The following TEKT1 variants were observed in gnomAD, a reference collection of about 807,000 sequenced individuals.
TEKT1 encodes tektin 1.
TEKT1 carries 32 observed loss-of-function variants against 34.8 expected under a neutral mutation model. The ratio of observed to expected loss-of-function variants is 0.92; its 90% CI spans 0.69 to 1.23. The LOEUF is 1.23. TEKT1 is among the 50% of genes most tolerant of loss of function. TEKT1 has a pLI of 0.00. For missense variants in TEKT1, 492 were observed against 518.5 expected (o/e 0.95, Z 0.50); for synonymous variants, 207 against 199.8 (o/e 1.04, Z -0.30).
chr17:6,828,431 T>C (rs1454180221), intron 2 of TEKT1, among the ~76,000 whole-genome samples: 2 of 152,178 alleles, frequency 1.3e-5, no homozygotes, highest in Admixed American at 6.5e-5. Context: ...TCCATAAACG[T>C]GTTTGTTCAG....
chr17:6,815,338 T>C, intron 4 of TEKT1, 32 bp from the exon 5 acceptor site: 1 of 1,614,132 alleles, frequency 6.2e-7, no homozygotes, highest in Non-Finnish European at 8.5e-7. Flanking sequence ...GGTTTCTGCC[T>C]CTGGAGTGCC....
chr17:6,824,023 C>T (rs1002594951), intron 2 of TEKT1, among the ~76,000 whole-genome samples: 1 of 151,900 alleles, frequency 6.6e-6, no homozygotes. Context: ...GAGGTCTCAC[C>T]GTGTTAGCCA....
chr17:6,807,297 G>A (rs1327924209), intron 6 of TEKT1, among the ~76,000 whole-genome samples: 2 of 152,080 alleles, frequency 1.3e-5, no homozygotes, highest in African/African-American at 4.8e-5. Context: ...CGTAGTTCTC[G>A]TGCCTTGGTT....
Position 6,815,309 on chromosome 17 carries a change from G to A in TEKT1, c.486-3C>T, listed in dbSNP as rs1449888217. The A allele has an allele frequency of 6.2e-7, 1 of 1,614,100 alleles. No homozygotes were observed. Among genetic ancestry groups the A allele is most frequent in the Admixed American group, 1.7e-5 (1 of 60,012 alleles). ...TGTACTTGGCAGAGCGGTTCATCCT[G>A]AAGGGAGAAAGTAAACTGGGTTTCT... On this transcript the variant is annotated splice_region_variant and splice_polypyrimidine_tract_variant and intron_variant, in intron 4 of 7. Coordinates refer to ENST00000338694, the MANE Select transcript of TEKT1 (RefSeq NM_053285.2).
intron 2 of TEKT1, among the ~76,000 whole-genome samples, chr17:6,823,085 T>C (rs755863993): frequency 6.6e-6 from 1 of 152,228 alleles, no homozygotes; most frequent in Non-Finnish European, 1.5e-5. Flanking sequence ...AGAATTACTA[T>C]GTAGACATAG....
At position 6,799,930 on chromosome 17, in the gene TEKT1, GCTGGCTAGAGGCCCCGCCAGC is replaced by G. The variant is rs1016969245; in HGVS notation, c.*76_*96del. The G allele has an allele frequency of 2.3e-5, 28 of 1,244,400 alleles. No homozygotes were observed. Among genetic ancestry groups the G allele is most frequent in the Middle Eastern group, 5.8e-4 (2 of 3,442 alleles). The allele number at this position is 1,244,400 out of a possible 1,614,324, so 77.1% of individuals were successfully genotyped here. ...AATGCCAGCCAAGAGGTTGCAGCAGGCTGGCTAGAGGCCCCGCCAGCCTGAAATGAGAGCTCTGTACTACTG... is the reference window on the plus strand; with the variant it reads ...AATGCCAGCCAAGAGGTTGCAGCAGGCTGAAATGAGAGCTCTGTACTACTG... On this transcript the variant is annotated 3_prime_UTR_variant, in exon 8 of 8. Transcript: ENST00000338694.
In TEKT1 at chr17:6,815,935, C is replaced by T. The variant is rs1001139636; in HGVS notation, c.384G>A (p.Val128=). The change falls in exon 4 of 8, where the codon GTG becomes GTA. Residue 128 remains valine, a synonymous_variant. Coordinates refer to ENST00000338694, the MANE Select transcript of TEKT1 (RefSeq NM_053285.2). ...TCAGCTCATGCTCCACTGTGTCGTG[C>T]ACCAGGTCAATGCCAATGCGCTTCT... ...YREKRIGIDL[V]HDTVEHELIK... The T allele has an allele frequency of 3.1e-6, 5 of 1,614,016 alleles. No homozygotes were observed. Among genetic ancestry groups the T allele is most frequent in the Non-Finnish European group, 4.2e-6 (5 of 1,180,044 alleles).
In TEKT1 at chr17:6,811,182, A is replaced by G. The variant is rs575856210; in HGVS notation, c.852+1649T>C. 3.3e-5 allele frequency among the ~76,000 whole-genome samples: 5 copies of G among 152,042 alleles called. No homozygotes were observed. The East Asian group carries it at 9.7e-4, about 29-fold the overall frequency. On this transcript the variant is annotated intron_variant, in intron 6 of 7. Transcript: ENST00000338694. This position sits in a 1 kb window ranked among gnomAD's most constrained non-coding sequence, Gnocchi z 4.4. ...AGATCCATCTTTCAAGGCCTATACT[A>G]AGTTCTTATTCCACCAGGAAGTCTC...
intron 2 of TEKT1, among the ~76,000 whole-genome samples, chr17:6,819,812 C>T (rs1018898130): frequency 2.6e-5 from 4 of 152,132 alleles, no homozygotes; most frequent in African/African-American, 7.2e-5. Flanking sequence ...CTCAACCTCC[C>T]GAGTAGCTGT....
chr17:6,822,348 G>C (rs777102540), intron 2 of TEKT1, among the ~76,000 whole-genome samples: 16 of 152,068 alleles, frequency 1.1e-4, no homozygotes, highest in Non-Finnish European at 2.2e-4. Context: ...TGTTGCCAAG[G>C]CTGGTCTCAA....
At chr17:6,808,803 T>TA (rs1486685747) in intron 6 of TEKT1, among the ~76,000 whole-genome samples, 1 of 152,100 alleles carries the variant, frequency 6.6e-6, no homozygotes, top group African/African-American at 2.4e-5. Flanking sequence ...AAGAAATTTT[T>TA]AAAAAACAGG....
chr17:6,813,148 C>T, intron 5 of TEKT1, 95 bp from the exon 6 acceptor site: 1 of 1,016,210 alleles, frequency 9.8e-7, no homozygotes, highest in Non-Finnish European at 1.5e-6. Context: ...TCATAAGAAC[C>T]ACCTAGAATG....
At chr17:6,829,766 T>C (rs1031539961) in intron 2 of TEKT1, among the ~76,000 whole-genome samples, 5 of 149,962 alleles carry the variant, frequency 3.3e-5, no homozygotes, top group African/African-American at 1.3e-4. Context: ...TAATCTTTTA[T>C]TGTTTTTTTT....
chr17:6,806,547 AGTTTCTTCC>A (rs1976846914), intron 6 of TEKT1, among the ~76,000 whole-genome samples: 1 of 152,208 alleles, frequency 6.6e-6, no homozygotes. Context: ...GAGTTGATGC[AGTTTCTTCC>A]TAGCGTCGAT....
intron 4 of TEKT1, 82 bp from the exon 5 acceptor site, chr17:6,815,388 A>AAGCTGCACCAGACCT: frequency 1.3e-6 from 2 of 1,552,216 alleles, no homozygotes; most frequent in Non-Finnish European, 1.8e-6. Context: ...CTGGAAAGTG[A>AAGCTGCACCAGACCT]AGCTGCAGCT....
intron 4 of TEKT1, 106 bp from the exon 5 acceptor site, chr17:6,815,412 G>T: frequency 2.9e-6 from 4 of 1,361,424 alleles, no homozygotes; most frequent in Non-Finnish European, 4.2e-6. Flanking sequence ...TCTGGTGCAG[G>T]ATGATGGTAC....
chr17:6,824,100 G>A (rs9899699), intron 2 of TEKT1, among the ~76,000 whole-genome samples: 7,088 of 152,106 alleles, frequency 0.047, 528 homozygotes, highest in African/African-American at 0.16. Flanking sequence ...GGGATTACAG[G>A]CGTGAGCCAC....
chr17:6,823,815 C>CTTTTTT (rs33937600), intron 2 of TEKT1, among the ~76,000 whole-genome samples: 15 of 77,638 alleles, frequency 1.9e-4, no homozygotes, highest in Non-Finnish European at 2.4e-4. Context: ...AAACCTCATC[C>CTTTTTT]TTTTTTTTTT....
intron 6 of TEKT1, among the ~76,000 whole-genome samples, chr17:6,812,585 T>C (rs1008043309): frequency 1.3e-5 from 2 of 152,198 alleles, no homozygotes; most frequent in Admixed American, 1.3e-4. Context: ...GGTTCTGTTC[T>C]CTGCATTTCT....
Sources: gnomAD v4.1 joint callset for allele counts (sites outside exome capture counted in the v4.1 genomes callset) on GRCh38, gnomAD v4.1.1 for gene constraint, Gnocchi (gnomAD v3.1) non-coding constraint, MANE v1.5 for transcripts, NCBI Gene and HGNC (gene_info 2026-07-23, HGNC 2026-07-21) for gene names.